The following CTBP2 variants were observed in gnomAD, a reference collection of about 807,000 sequenced individuals.
The protein encoded by CTBP2 is C-terminal binding protein 2.
A neutral mutation model predicts 80.3 loss-of-function variants in CTBP2; 30 were observed. The ratio of observed to expected loss-of-function variants is 0.37; its 90% CI spans 0.28 to 0.51. The LOEUF is 0.51. Ranked by LOEUF, CTBP2 falls within the 20% of genes least tolerant of loss-of-function variation. The pLI, the probability that CTBP2 is intolerant of heterozygous loss-of-function variation, is 0.93. For missense variants in CTBP2, 1,212 were observed against 1,375.3 expected (o/e 0.88, Z 1.88); for synonymous variants, 594 against 587.4 (o/e 1.01, Z -0.16).
At chr10:124,990,846 C>T (rs530447935) in intron 8 of CTBP2, among the ~76,000 whole-genome samples, 6 of 152,352 alleles carry the variant, frequency 3.9e-5, no homozygotes, top group African/African-American at 1.4e-4. Flanking sequence ...AAGAAGCTGA[C>T]GGTCTGCTGC....
intron 1 of CTBP2, among the ~76,000 whole-genome samples, chr10:125,013,339 T>C (rs1366062534): frequency 6.6e-6 from 1 of 152,164 alleles, no homozygotes; most frequent in Non-Finnish European, 1.5e-5. Flanking sequence ...AGACTAGACT[T>C]TCCCAGGATG....
intron 2 of CTBP2, among the ~76,000 whole-genome samples, chr10:125,048,111 C>T (rs1387743808): frequency 1.3e-5 from 2 of 152,048 alleles, no homozygotes; most frequent in Non-Finnish European, 2.9e-5. Context: ...TGTATAAGGA[C>T]ATGCTCTCTG....
At chr10:125,031,877 C>CT (rs1958268831), upstream of CTBP2, among the ~76,000 whole-genome samples, 1 of 152,178 alleles carries the variant, frequency 6.6e-6, no homozygotes, top group African/African-American at 2.4e-5. Flanking sequence ...CCAACCCAGC[C>CT]TTTTTCAGAT....
At chr10:125,025,620 A>T (rs1326365990) in intron 1 of CTBP2, among the ~76,000 whole-genome samples, 1 of 152,218 alleles carries the variant, frequency 6.6e-6, no homozygotes, top group Non-Finnish European at 1.5e-5. Flanking sequence ...CGTGAGAGGT[A>T]CGTTTCCACA....
chr10:125,143,796 T>C (rs1395895626), intron 1 of CTBP2, among the ~76,000 whole-genome samples: 1 of 152,142 alleles, frequency 6.6e-6, no homozygotes, highest in African/African-American at 2.4e-5. Context: ...ACACCATAAA[T>C]CATAAAGTCA....
intron 1 of CTBP2, among the ~76,000 whole-genome samples, chr10:125,126,865 C>T (rs1855351590): frequency 6.6e-6 from 1 of 152,104 alleles, no homozygotes; most frequent in Non-Finnish European, 1.5e-5. Context: ...AGCCTATAGC[C>T]CATTCTCAGC....
At position 125,003,366 on chromosome 10, in the gene CTBP2, G is replaced by A; in HGVS notation, c.1805C>T (p.Ala602Val). ...CTCGTGGATTTCCTGCGTCGACTGC[G>A]CGTCACAGAAGGCCACAGTGGCCAG... The change falls in exon 2 of 9, where the codon GCG (alanine) becomes GTG (valine). Residue 602 changes from alanine to valine, a missense_variant. Coordinates refer to ENST00000309035, the MANE Select transcript of CTBP2 (RefSeq NM_022802.3). The A allele has an allele frequency of 6.2e-7, 1 of 1,610,804 alleles. No individual in the cohort carries two copies. Among genetic ancestry groups the A allele is most frequent in the Non-Finnish European group, 8.5e-7 (1 of 1,179,430 alleles).
chr10:125,057,581 A>C (rs1490212661), intron 2 of CTBP2, among the ~76,000 whole-genome samples: 3 of 152,186 alleles, frequency 2.0e-5, no homozygotes, highest in Non-Finnish European at 2.9e-5. Flanking sequence ...CAGGCCACAG[A>C]ATCTCCAGCT....
At chr10:125,074,605 C>T (rs575867341) in intron 2 of CTBP2, among the ~76,000 whole-genome samples, 11 of 152,334 alleles carry the variant, frequency 7.2e-5, no homozygotes, top group Non-Finnish European at 2.9e-5. Flanking sequence ...CTCGGCCTCC[C>T]AAAGTGCTGG....
intron 5 of CTBP2, 106 bp from the exon 8 acceptor site, chr10:124,994,091 G>A: frequency 1.4e-6 from 2 of 1,468,570 alleles, no homozygotes; most frequent in Non-Finnish European, 1.9e-6. Flanking sequence ...TGGTCTGGTG[G>A]TTTAATGTGT....
At chr10:125,138,499 G>A (rs548105285) in intron 1 of CTBP2, among the ~76,000 whole-genome samples, 5 of 152,220 alleles carry the variant, frequency 3.3e-5, no homozygotes, top group South Asian at 2.1e-4. Context: ...ACAGTCTCAC[G>A]CTGAGGTTTC....
intron 2 of CTBP2, among the ~76,000 whole-genome samples, chr10:125,078,676 A>T (rs1028071179): frequency 1.3e-5 from 2 of 152,096 alleles, no homozygotes; most frequent in Non-Finnish European, 2.9e-5. Flanking sequence ...CGGAGCAATC[A>T]CCGGATCCTG....
At chr10:125,135,206 AG>A (rs1379107638) in intron 1 of CTBP2, among the ~76,000 whole-genome samples, 24 of 152,198 alleles carry the variant, frequency 1.6e-4, no homozygotes, top group Admixed American at 1.6e-3. Context: ...CCCAACCACC[AG>A]GAAGGAAGCC....
chr10:125,013,913 G>A (rs1308794255), intron 1 of CTBP2, among the ~76,000 whole-genome samples: 1 of 152,210 alleles, frequency 6.6e-6, no homozygotes, highest in African/African-American at 2.4e-5. Context: ...GCAGGCTGAG[G>A]TAGGTCTTAA....
At chr10:124,989,834 G>A in intron 8 of CTBP2, 136 bp from the exon 11 acceptor site, 9 of 784,310 alleles carry the variant, frequency 1.1e-5, no homozygotes, top group Non-Finnish European at 1.7e-5. Context: ...CGACCTTCTG[G>A]GCTCAAGTGA....
chr10:125,017,885 C>T (rs1956651100), intron 1 of CTBP2, among the ~76,000 whole-genome samples: 1 of 152,110 alleles, frequency 6.6e-6, no homozygotes, highest in African/African-American at 2.4e-5. Context: ...GTAGGGTGGG[C>T]ACCATCACCC....
At chr10:125,055,963 G>C (rs1430082775) in intron 2 of CTBP2, among the ~76,000 whole-genome samples, 4 of 151,980 alleles carry the variant, frequency 2.6e-5, no homozygotes, top group African/African-American at 9.7e-5. Flanking sequence ...CCAGGAGTTC[G>C]AGACCAGCCT....
intron 4 of CTBP2, among the ~76,000 whole-genome samples, 198 bp from the exon 7 acceptor site, chr10:124,994,881 T>G (rs1353477932): frequency 6.6e-6 from 1 of 152,176 alleles, no homozygotes; most frequent in African/African-American, 2.4e-5. Flanking sequence ...GTAGGACAGG[T>G]GAGGACCGCA....
intron 1 of CTBP2, among the ~76,000 whole-genome samples, chr10:125,120,390 C>CT (rs1269751738): frequency 1.3e-5 from 2 of 152,198 alleles, no homozygotes; most frequent in Admixed American, 6.5e-5. Context: ...AACACCATTT[C>CT]TTTTTTTCTT....
Sources: allele counts gnomAD v4.1 joint callset (sites outside exome capture counted in the v4.1 genomes callset), GRCh38; gene constraint gnomAD v4.1.1; transcripts MANE v1.5; gene names NCBI Gene and HGNC (gene_info 2026-07-23, HGNC 2026-07-21).